CCND3: variants seen among roughly 807,000 people sequenced by gnomAD.
CCND3 encodes the protein G1/S-specific cyclin-D3.
In CCND3, 9 loss-of-function variants were observed where a neutral mutation model predicts 28.7. The observed-to-expected ratio is 0.31, with a 90% CI of 0.19 to 0.55. CCND3 has a LOEUF of 0.55. Among genes scored for constraint, CCND3 ranks in the 20% least tolerant of loss-of-function variants. The probability of loss-of-function intolerance (pLI) is 0.93; values close to 1 mark genes in which losing one functional copy is unlikely to be tolerated. For missense variants in CCND3, 315 were observed against 385.8 expected (o/e 0.82, Z 1.54); for synonymous variants, 164 against 163.9 (o/e 1.00, Z 0.00).
intron 1 of CCND3, among the ~76,000 whole-genome samples, chr6:42,021,554 G>C (rs1470793804): frequency 1.3e-5 from 2 of 152,190 alleles, no homozygotes; most frequent in Non-Finnish European, 2.9e-5. Context: ...ACAATAATAG[G>C]TGTTGTTATC....
Position 41,972,240 on chromosome 6 carries a change from A to G in CCND3, c.-45-31655T>C, listed in dbSNP as rs9296370. On this transcript the variant is annotated intron_variant, in intron 1 of 4. Transcript: ENST00000372988. ...GAGACTCCATCTCAAAAAAAAAAAAAAAAAGAAAAGAAAAGAAAAGAGATA... is the reference window on the plus strand; with the variant it reads ...GAGACTCCATCTCAAAAAAAAAAAAGAAAAGAAAAGAAAAGAAAAGAGATA... 5.3e-4 allele frequency among the ~76,000 whole-genome samples: 53 copies of G among 99,760 alleles called. 1 individual carries two copies. The South Asian group carries it at 0.013, about 24-fold the overall frequency. The allele number at this position is 99,760 out of a possible 152,430, so 65.4% of individuals were successfully genotyped here. A position where few individuals can be genotyped will look rare whatever the true frequency, so the allele number is the denominator to read the frequency against.
chr6:41,973,883 C>A (rs961844947), intron 1 of CCND3, among the ~76,000 whole-genome samples: 2 of 152,142 alleles, frequency 1.3e-5, no homozygotes, highest in Non-Finnish European at 2.9e-5. Context: ...ATGTAAAACC[C>A]TTAAAACAGT....
chr6:42,000,712 C>A (rs902287569), intron 1 of CCND3, among the ~76,000 whole-genome samples: 8 of 151,378 alleles, frequency 5.3e-5, no homozygotes, highest in African/African-American at 1.9e-4. Context: ...GGATTACAGG[C>A]ATGTGCCACC....
chr6:41,960,485 G>A (rs1343831494), intron 1 of CCND3, among the ~76,000 whole-genome samples: 2 of 152,198 alleles, frequency 1.3e-5, no homozygotes, highest in Non-Finnish European at 2.9e-5. Flanking sequence ...TCTAACACGA[G>A]TGATTGAGAG....
chr6:41,970,332 C>T (rs575488481), intron 1 of CCND3, among the ~76,000 whole-genome samples: 17 of 151,374 alleles, frequency 1.1e-4, no homozygotes, highest in Non-Finnish European at 1.9e-4. Flanking sequence ...AGCGAGACTC[C>T]GTCTCAAAAA....
chr6:42,020,116 A>G (rs1763655554), intron 1 of CCND3, among the ~76,000 whole-genome samples: 2 of 152,202 alleles, frequency 1.3e-5, no homozygotes, highest in South Asian at 4.1e-4. Context: ...GTCTCTACTA[A>G]AAATGCAAAA....
intron 1 of CCND3, among the ~76,000 whole-genome samples, chr6:42,033,992 C>T (rs1673944280): frequency 6.6e-6 from 1 of 152,078 alleles, no homozygotes; most frequent in African/African-American, 2.4e-5. Flanking sequence ...GCTGTTGCTA[C>T]CAAAAGAATT....
Position 41,941,436 on chromosome 6 carries a change from C to A in CCND3, c.198+16G>T. The A allele has an allele frequency of 6.2e-7, 1 of 1,605,926 alleles. No individual in the cohort carries two copies. The highest frequency in any genetic ancestry group is 1.1e-5 in the South Asian group (1 of 90,394). Reference sequence around the variant, plus strand: ...ACCCGGGAGCGGTGGGGGAGGGGGACGCGTCCGGGCGGTACCTCCAGCATC... The same window carrying A: ...ACCCGGGAGCGGTGGGGGAGGGGGAAGCGTCCGGGCGGTACCTCCAGCATC... On this transcript the variant is annotated intron_variant, in intron 1 of 4. Coordinates refer to ENST00000372991, the MANE Select transcript of CCND3 (RefSeq NM_001760.5). This position sits in a 1 kb window ranked among gnomAD's most constrained non-coding sequence, Gnocchi z 6.1.
At position 41,951,567 on chromosome 6, in the gene CCND3, C is replaced by CA. The variant is rs1330384836; in HGVS notation, c.-45-10983dup. Among the ~76,000 whole-genome samples, 249 of 57,424 alleles carry CA rather than the reference C, an allele frequency of 4.3e-3. 1 individual carries two copies. Among genetic ancestry groups the CA allele is most frequent in the African/African-American group, 8.5e-3 (155 of 18,294 alleles). 37.7% of individuals were successfully genotyped at this position (57,424 alleles called of 152,430 possible). ...ACACACACACACACACACACACACA[C>CA]ACACACACAAAAAAAAAGATTAAGT... On this transcript the variant is annotated intron_variant, in intron 1 of 4. Transcript: ENST00000372988.
rs981945157 is a variant in CCND3, at chr6:41,941,431, G to A, written c.198+21C>T. On this transcript the variant is annotated intron_variant, in intron 1 of 4. Coordinates refer to ENST00000372991, the MANE Select transcript of CCND3 (RefSeq NM_001760.5). This position sits in a 1 kb window ranked among gnomAD's most constrained non-coding sequence, Gnocchi z 6.1. ...TCCAGACCCGGGAGCGGTGGGGGAG[G>A]GGGACGCGTCCGGGCGGTACCTCCA... 6.2e-7 allele frequency: 1 copy of A among 1,606,370 alleles called. No individual in the cohort carries two copies. Among genetic ancestry groups the A allele is most frequent in the Non-Finnish European group, 8.5e-7 (1 of 1,178,110 alleles).
chr6:41,986,582 G>T (rs1183927809), intron 1 of CCND3, among the ~76,000 whole-genome samples: 1 of 130,318 alleles, frequency 7.7e-6, no homozygotes, highest in African/African-American at 2.9e-5. Flanking sequence ...ATAGTTTGTT[G>T]TTAGTGTATA....
chr6:41,960,227 T>C (rs1332136410), intron 1 of CCND3, among the ~76,000 whole-genome samples: 4 of 152,236 alleles, frequency 2.6e-5, no homozygotes, highest in African/African-American at 9.6e-5. Context: ...TGCCAGTGAC[T>C]GGGTGGTGGT....
chr6:42,037,771 G>A (rs907748643), intron 1 of CCND3, among the ~76,000 whole-genome samples: 8 of 151,598 alleles, frequency 5.3e-5, no homozygotes, highest in Admixed American at 6.6e-5. Flanking sequence ...AGTGGCATGC[G>A]CCTGTAATCA....
At chr6:41,950,630 C>T (rs937673084) in intron 1 of CCND3, among the ~76,000 whole-genome samples, 43 of 152,098 alleles carry the variant, frequency 2.8e-4, no homozygotes, top group Admixed American at 2.2e-3. Flanking sequence ...TTATCATGTG[C>T]CTTCCATACA....
At chr6:41,974,434 C>T (rs973237980) in intron 1 of CCND3, among the ~76,000 whole-genome samples, 1 of 152,102 alleles carries the variant, frequency 6.6e-6, no homozygotes, top group East Asian at 1.9e-4. Flanking sequence ...ACTGGGTAAC[C>T]AGGTGCCAGC....
chr6:42,011,793 G>C (rs1269013546), intron 1 of CCND3, among the ~76,000 whole-genome samples: 2 of 152,188 alleles, frequency 1.3e-5, no homozygotes, highest in African/African-American at 4.8e-5. Context: ...GAAAATCTCA[G>C]AGTAAGAGGC....
At chr6:42,016,586 TC>T (rs56294019) in intron 1 of CCND3, among the ~76,000 whole-genome samples, 3 of 9,500 alleles carry the variant, frequency 3.2e-4, no homozygotes, top group Non-Finnish European at 1.0e-3. Flanking sequence ...GCTATTACTA[TC>T]TATTACTTTT....
At chr6:42,017,804 A>C (rs1763566693) in intron 1 of CCND3, among the ~76,000 whole-genome samples, 1 of 152,206 alleles carries the variant, frequency 6.6e-6, no homozygotes, top group Non-Finnish European at 1.5e-5. Context: ...GTAGAAGGCA[A>C]AGGCTGGAAA....
chr6:41,983,822 G>A (rs2127413212), intron 1 of CCND3, among the ~76,000 whole-genome samples: 1 of 152,186 alleles, frequency 6.6e-6, no homozygotes, highest in South Asian at 2.1e-4. Context: ...TCCAGCCTGG[G>A]TAACAAAGTG....
Sources: gnomAD v4.1 joint callset for allele counts (sites outside exome capture counted in the v4.1 genomes callset) on GRCh38, gnomAD v4.1.1 for gene constraint, Gnocchi (gnomAD v3.1) non-coding constraint, MANE v1.5 for transcripts, NCBI Gene and HGNC (gene_info 2026-07-23, HGNC 2026-07-21) for gene names.